Variants in ZNF251 observed in about 807,000 individuals in gnomAD.
ZNF251 encodes zinc finger protein 251.
Under a neutral mutation model 13.5 loss-of-function variants are expected in ZNF251, and 14 were observed. The observed-to-expected ratio is 1.04, with a 90% CI of 0.69 to 1.63. The LOEUF is 1.63. ZNF251 is among the 40% of genes most tolerant of loss of function. The pLI is 0.00. For missense variants in ZNF251, 764 were observed against 834.9 expected, an observed-to-expected ratio of 0.92 and a Z score of 1.05; for synonymous variants, 287 against 295.2, an observed-to-expected ratio of 0.97 and a Z score of 0.28.
At position 144,740,865 on chromosome 8, in the gene ZNF251, G is replaced by A. The variant is rs566784101; in HGVS notation, c.277+12818C>T. On this transcript the variant is annotated intron_variant, in intron 4 of 4. Coordinates refer to ENST00000292562, the MANE Select transcript of ZNF251 (RefSeq NM_138367.2). ...GGAGAATCACTTGAACCTGGGAGGC[G>A]CAGGTTGTGATGAGCTGAGATGGCG... 1.6e-4 allele frequency among the ~76,000 whole-genome samples: 24 copies of A among 151,908 alleles called. No homozygotes were observed. In the East Asian group the frequency reaches 3.7e-3, roughly 23 times the overall value.
At chr8:144,753,246 G>C (rs1290673637) in intron 4 of ZNF251, among the ~76,000 whole-genome samples, 1 of 118,472 alleles carries the variant, frequency 8.4e-6, no homozygotes, top group Non-Finnish European at 1.6e-5. Flanking sequence ...CTGCACTCCA[G>C]CCTGGTGACA....
chr8:144,746,856 CTCTT>C (rs1824453437), intron 4 of ZNF251, among the ~76,000 whole-genome samples: 1 of 151,830 alleles, frequency 6.6e-6, no homozygotes, highest in African/African-American at 2.4e-5. Flanking sequence ...TGTGTCCTCT[CTCTT>C]CTTTGTCTTA....
chr8:144,736,360 C>T (rs1474103270), intron 4 of ZNF251, among the ~76,000 whole-genome samples: 2 of 152,132 alleles, frequency 1.3e-5, no homozygotes, highest in Non-Finnish European at 2.9e-5. Flanking sequence ...TATAAGGGGG[C>T]CCAAGTCACA....
At chr8:144,738,670 C>A in intron 4 of ZNF251, 1 of 985,426 alleles carries the variant, frequency 1.0e-6, no homozygotes, top group East Asian at 1.1e-4. Flanking sequence ...GTGGAAACAG[C>A]ACAGTTCTCT....
intron 4 of ZNF251, among the ~76,000 whole-genome samples, chr8:144,741,623 A>G (rs1232698039): frequency 6.6e-6 from 1 of 152,234 alleles, no homozygotes; most frequent in Non-Finnish European, 1.5e-5. Flanking sequence ...AAACAGGAAA[A>G]TCTCAGGGAG....
rs200509361 is a variant in ZNF251 at position 144,722,711 on chromosome 8, C to T, written c.949G>A (p.Gly317Arg). Residue 317 changes from glycine (G) to arginine (R), a missense_variant, in exon 5 of 5, where the codon GGA (glycine) becomes AGA (arginine). Coordinates refer to ENST00000292562, the MANE Select transcript of ZNF251 (RefSeq NM_138367.2). The surrounding 1 kb of genome is among the most constrained non-coding windows in gnomAD (Gnocchi z 4.8). ...TLIQHRIIHTGEKPYKCNECG... is the reference protein window; with the variant it reads ...TLIQHRIIHTREKPYKCNECG... ...TCATTACACTTGTAGGGTTTCTCTC[C>T]TGTGTGAATGATCCGATGTTGAATA... is the stretch of plus-strand genomic sequence containing the variant. 9.3e-6 allele frequency: 15 copies of T among 1,614,120 alleles called. No homozygotes were observed. Among genetic ancestry groups the T allele is most frequent in the Non-Finnish European group, 1.2e-5 (14 of 1,180,002 alleles).
intron 4 of ZNF251, among the ~76,000 whole-genome samples, chr8:144,738,292 G>C (rs150665270): frequency 2.0e-5 from 3 of 152,282 alleles, no homozygotes; most frequent in African/African-American, 4.8e-5. Flanking sequence ...AAGCCCCAAA[G>C]AGCAGCTCAA....
At chr8:144,753,938 A>G (rs1395729205) in intron 3 of ZNF251, 142 bp from the exon 4 acceptor site, 1 of 773,736 alleles carries the variant, frequency 1.3e-6, no homozygotes, top group Non-Finnish European at 2.0e-6. Flanking sequence ...CTAAGTACTG[A>G]AGGAGAATCC....
intron 4 of ZNF251, among the ~76,000 whole-genome samples, chr8:144,724,137 A>G (rs1042155266): frequency 6.6e-6 from 1 of 151,902 alleles, no homozygotes; most frequent in Admixed American, 6.6e-5. Flanking sequence ...CCAGCTACTC[A>G]GGAGGCTGAG....
At position 144,755,527 on chromosome 8, in the gene ZNF251, A is replaced by C. The variant is rs528319922; in HGVS notation, c.-198T>G. ...GCCGGGGAGGGGGCGGGCTAGGATG[A>C]AGAGGGCGGGCCGGGCCGAGCTGCG... On this transcript the variant is annotated 5_prime_UTR_variant, in exon 1 of 5. Transcript: ENST00000292562. The C allele has an allele frequency of 5.4e-6, 7 of 1,284,808 alleles. No individual in the cohort carries two copies. In the African/African-American group the frequency reaches 9.2e-5, roughly 17 times the overall value. 79.6% of individuals were successfully genotyped at this position (1,284,808 alleles called of 1,614,324 possible). A position where few individuals can be genotyped will look rare whatever the true frequency, so the allele number is the denominator to read the frequency against.
chr8:144,738,487 G>T, intron 4 of ZNF251: 1 of 929,232 alleles, frequency 1.1e-6, no homozygotes, highest in Non-Finnish European at 1.3e-6. Context: ...GCGGGACCAG[G>T]CTGACCTGAC....
chr8:144,748,104 C>T (rs1824514877), intron 4 of ZNF251, among the ~76,000 whole-genome samples: 1 of 151,716 alleles, frequency 6.6e-6, no homozygotes, highest in South Asian at 2.1e-4. Flanking sequence ...GATGGAGTCT[C>T]ACTCTGTCGC....
Position 144,755,367 on chromosome 8 carries a change from C to T in ZNF251, c.-76+38G>A, listed in dbSNP as rs577400419. The T allele has an allele frequency of 8.1e-4, 1,037 of 1,287,096 alleles. 11 individuals are homozygous for T. The Admixed American group carries it at 0.016, about 20-fold the overall frequency. The allele number at this position is 1,287,096 out of a possible 1,614,324, so 79.7% of individuals were successfully genotyped here. A position where few individuals can be genotyped will look rare whatever the true frequency, so the allele number is the denominator to read the frequency against. ...TCCCCGCGCCCTCCCCGCCTGCCTG[C>T]CCGCTTGGCGCTCCTTCCTGGTCCG... On this transcript the variant is annotated intron_variant, in intron 1 of 4. Transcript: ENST00000292562.
At position 144,720,921 on chromosome 8, in the gene ZNF251, A is replaced by G. The variant is rs543555861; in HGVS notation, c.*723T>C. 1 of 152,354 alleles carries G rather than the reference A, an allele frequency of 6.6e-6. No individual in the cohort carries two copies. The highest frequency in any genetic ancestry group is 1.5e-5 in the Non-Finnish European group (1 of 68,030). 9.4% of individuals were successfully genotyped at this position (152,354 alleles called of 1,614,324 possible). The stretch of plus-strand genomic sequence containing the variant: ...GCCCAAAGAACTATACACTAAAAAG[A>G]GTAAATTTTATTGTTTATAAATTAT... On this transcript the variant is annotated 3_prime_UTR_variant, in exon 5 of 5. Coordinates refer to ENST00000292562, the MANE Select transcript of ZNF251 (RefSeq NM_138367.2).
intron 4 of ZNF251, among the ~76,000 whole-genome samples, chr8:144,725,572 G>A (rs567005378): frequency 2.6e-4 from 40 of 152,272 alleles, no homozygotes; most frequent in African/African-American, 7.5e-4. Flanking sequence ...GATTACAGGT[G>A]TGAGCCACTG....
intron 4 of ZNF251, among the ~76,000 whole-genome samples, chr8:144,724,087 CA>C (rs1357537947): frequency 1.3e-5 from 2 of 151,522 alleles, no homozygotes; most frequent in Admixed American, 6.6e-5. Flanking sequence ...ACTAAAAATA[CA>C]AAAAAATTAG....
chr8:144,753,756 C>T lies in ZNF251; in HGVS notation c.204G>A (p.Glu68=), dbSNP rs902705323. ...TCAGGACCCAAAGTTCCTTCCCCTGCTCCAGCTGGGAGATCAACTCCGGCT... is the reference window on the plus strand; with the variant it reads ...TCAGGACCCAAAGTTCCTTCCCCTGTTCCAGCTGGGAGATCAACTCCGGCT... ...VPKPELISQL[E]QGKELWVLNL... Residue 68 remains glutamate, a synonymous_variant, in exon 4 of 5, where the codon GAG becomes GAA. Coordinates refer to ENST00000292562, the MANE Select transcript of ZNF251 (RefSeq NM_138367.2). The T allele has an allele frequency of 3.8e-6, 6 of 1,596,638 alleles. No homozygotes were observed. Among genetic ancestry groups the T allele is most frequent in the Admixed American group, 1.7e-5 (1 of 57,734 alleles).
intron 4 of ZNF251, among the ~76,000 whole-genome samples, chr8:144,738,279 A>G (rs1246306783): frequency 6.6e-6 from 1 of 152,144 alleles, no homozygotes; most frequent in Non-Finnish European, 1.5e-5. Flanking sequence ...TTCTGAACTC[A>G]ACAAGCCCCA....
Position 144,722,657 on chromosome 8 carries a change from G to A in ZNF251, c.1003C>T (p.Gln335Ter). 1.2e-6 allele frequency: 2 copies of A among 1,613,998 alleles called. No homozygotes were observed. The highest frequency in any genetic ancestry group is 2.2e-5 in the South Asian group (2 of 91,078). Reference sequence around the variant, plus strand: ...TGAATTCTCTGATGCTGAGTTAACTGGGGGCTCTGGCTAAAGCCTCTTCCA... The same window carrying A: ...TGAATTCTCTGATGCTGAGTTAACTAGGGGCTCTGGCTAAAGCCTCTTCCA... ...ECGRGFSQSPQLTQHQRIHTG... is the reference protein window; with the variant it reads ...ECGRGFSQSP The change falls in exon 5 of 5, where the codon CAG (glutamine) becomes TAG (stop). Residue 335 changes from glutamine to a stop codon, truncating the protein, a stop_gained. Coordinates refer to ENST00000292562, the MANE Select transcript of ZNF251 (RefSeq NM_138367.2). LOFTEE classifies it low-confidence loss of function (END_TRUNC). This position sits in a 1 kb window ranked among gnomAD's most constrained non-coding sequence, Gnocchi z 4.8.
Sources: allele counts gnomAD v4.1 joint callset (sites outside exome capture counted in the v4.1 genomes callset), GRCh38; gene constraint gnomAD v4.1.1; non-coding constraint Gnocchi (gnomAD v3.1); transcripts MANE v1.5; gene names NCBI Gene and HGNC (gene_info 2026-07-23, HGNC 2026-07-21).